Variants in TMEM273 observed in about 807,000 individuals in gnomAD.
The protein encoded by TMEM273 is chromosome 10 open reading frame 128.
In TMEM273, 19 loss-of-function variants were observed where a neutral mutation model predicts 17.9. The observed-to-expected ratio is 1.06, with a 90% CI of 0.74 to 1.55. The LOEUF (loss-of-function observed/expected upper bound fraction) is 1.55, where lower values mean the gene tolerates loss of function less well. TMEM273 is among the 40% of genes most tolerant of loss of function. TMEM273 has a pLI of 0.00. For synonymous variants in TMEM273, 66 were observed against 62.0 expected, an observed-to-expected ratio of 1.07 and a Z score of -0.31; for missense variants, 194 against 155.6, an observed-to-expected ratio of 1.25 and a Z score of -1.31.
intron 1 of TMEM273, among the ~76,000 whole-genome samples, chr10:49,171,903 C>A (rs1308519320): frequency 6.6e-6 from 1 of 152,204 alleles, no homozygotes. Flanking sequence ...TTGGGTCCAC[C>A]CTTGATGGGG....
chr10:49,183,490 T>A (rs1847479462), intron 1 of TMEM273, among the ~76,000 whole-genome samples: 1 of 152,210 alleles, frequency 6.6e-6, no homozygotes, highest in Admixed American at 6.5e-5. Context: ...TATACTTTTC[T>A]TGAAAGTTTG....
intron 6 of TMEM273, among the ~76,000 whole-genome samples, chr10:49,158,338 T>G (rs1229947014): frequency 6.6e-6 from 1 of 152,180 alleles, no homozygotes; most frequent in African/African-American, 2.4e-5. Context: ...TTATTTTCTT[T>G]GCTTTGGTCT....
In TMEM273 at chr10:49,161,588, T is replaced by C. The variant is rs748160580; in HGVS notation, c.372+11A>G. The C allele has an allele frequency of 1.6e-5, 26 of 1,614,112 alleles. No individual in the cohort carries two copies. Among genetic ancestry groups the C allele is most frequent in the Middle Eastern group, 1.6e-4 (1 of 6,084 alleles). On this transcript the variant is annotated intron_variant, in intron 6 of 6. Transcript: ENST00000374153. The stretch of plus-strand genomic sequence containing the variant: ...CTCCTTTTAAGACAAGTGATCACTC[T>C]TACAACTCACCTTTTGGAGAAATTG...
At chr10:49,161,453 C>T in intron 6 of TMEM273, 146 bp downstream of exon 6, 1 of 945,828 alleles carries the variant, frequency 1.1e-6, no homozygotes. Context: ...TCACAGCTGT[C>T]CTGGCATGAG....
In TMEM273 at chr10:49,155,851, C is replaced by G. The variant is rs141518641; in HGVS notation, c.*41G>C. 2.5e-6 allele frequency: 4 copies of G among 1,613,878 alleles called. No individual in the cohort carries two copies. The African/African-American group carries it at 4.0e-5, about 16-fold the overall frequency. On this transcript the variant is annotated 3_prime_UTR_variant, in exon 7 of 7. Transcript: ENST00000374153. Reference sequence around the variant, plus strand: ...GATGTTAACCATGGGCTGTTTTCCACGGGGCTAGAACCCCTCTTCACGTCA... The same window carrying G: ...GATGTTAACCATGGGCTGTTTTCCAGGGGGCTAGAACCCCTCTTCACGTCA...
rs566368083 is a variant in TMEM273 at position 49,165,917 on chromosome 10, G to A, written c.239-121C>T. 1.6e-5 allele frequency: 20 copies of A among 1,262,500 alleles called. No individual in the cohort carries two copies. In the East Asian group the frequency reaches 1.7e-4, roughly 10 times the overall value. The allele number at this position is 1,262,500 out of a possible 1,614,324, so 78.2% of individuals were successfully genotyped here. A position where few individuals can be genotyped will look rare whatever the true frequency, so the allele number is the denominator to read the frequency against. ...ACTCACGGTTGCCCTCGAGAGACCC[G>A]GGGCCTGGCTGCTATGTGATGAAGA... On this transcript the variant is annotated intron_variant, in intron 3 of 6. Transcript: ENST00000374153.
intron 1 of TMEM273, among the ~76,000 whole-genome samples, chr10:49,171,524 T>G (rs535441894): frequency 9.8e-4 from 150 of 152,350 alleles, no homozygotes; most frequent in African/African-American, 3.6e-3. Flanking sequence ...AGTTTCTGCT[T>G]TCTCCCTGAT....
At position 49,188,358 on chromosome 10, in the gene TMEM273, C is replaced by T. The variant is rs529395359; in HGVS notation, c.-22G>A. On this transcript the variant is annotated 5_prime_UTR_variant, in exon 1 of 7. Transcript: ENST00000374153. ...TCATGCTGGCGCTCTGCTCTTGGCTCCTGGCTCCTGGCTGCTGGCAGCGCA... is the reference window on the plus strand; with the variant it reads ...TCATGCTGGCGCTCTGCTCTTGGCTTCTGGCTCCTGGCTGCTGGCAGCGCA... 20 of 1,614,066 alleles carry T rather than the reference C, an allele frequency of 1.2e-5. No individual in the cohort carries two copies. The East Asian group carries it at 4.2e-4, about 34-fold the overall frequency.
intron 6 of TMEM273, among the ~76,000 whole-genome samples, chr10:49,157,673 A>G (rs1029898244): frequency 6.6e-5 from 10 of 152,246 alleles, no homozygotes; most frequent in African/African-American, 2.4e-4. Context: ...TAAAATAGGA[A>G]CTGATGAATG....
rs1015807804 is a variant in TMEM273, at chr10:49,157,357, G to C, written c.373-1448C>G. ...AGTCTAGGGCAGCATCTGCTGGCTGGACTAGTAGGTGAATTAGGCTGCATG... is the reference window on the plus strand; with the variant it reads ...AGTCTAGGGCAGCATCTGCTGGCTGCACTAGTAGGTGAATTAGGCTGCATG... On this transcript the variant is annotated intron_variant, in intron 6 of 6. Transcript: ENST00000374153. Among the ~76,000 whole-genome samples, 33 of 152,230 alleles carry C rather than the reference G, an allele frequency of 2.2e-4. 2 individuals are homozygous for C.
chr10:49,165,704 G>A lies in TMEM273; in HGVS notation c.269+62C>T, dbSNP rs1846132776. On this transcript the variant is annotated intron_variant, in intron 4 of 6. Coordinates refer to ENST00000374153, the MANE Select transcript of TMEM273 (RefSeq NM_001288740.3). ...GGCTGGGGATGACAGGCAAGGGAGT[G>A]GCACGGTCAAGACAGGAGAGAACAC... The A allele has an allele frequency of 2.5e-6, 4 of 1,602,332 alleles. No homozygotes were observed. The African/African-American group carries it at 4.0e-5, about 16-fold the overall frequency.
In TMEM273 at chr10:49,173,454, G is replaced by A. The variant is rs370344038; in HGVS notation, c.44-5492C>T. 7.9e-5 allele frequency among the ~76,000 whole-genome samples: 12 copies of A among 152,306 alleles called. No homozygotes were observed. The East Asian group carries it at 1.5e-3, about 20-fold the overall frequency. On this transcript the variant is annotated intron_variant, in intron 1 of 6. Transcript: ENST00000374153. ...GCAACACACACGGCTCCTGGCCTCT[G>A]CACAGGCTGCTGCTCTCTTTGCCGC...
intron 1 of TMEM273, among the ~76,000 whole-genome samples, chr10:49,171,356 G>A (rs561808850): frequency 6.6e-6 from 1 of 152,244 alleles, no homozygotes; most frequent in South Asian, 2.1e-4. Context: ...CTAGAGCAGA[G>A]AGCAGAGGGC....
rs1845484482 is a variant in TMEM273, at chr10:49,156,010, A to G, written c.373-101T>C. On this transcript the variant is annotated intron_variant, in intron 6 of 6. Coordinates refer to ENST00000374153, the MANE Select transcript of TMEM273 (RefSeq NM_001288740.3). ...ATTCACACAATTAAACAGGTATAAA[A>G]GCTCATCAGCAAAGCCTGCAAGGTG... The G allele has an allele frequency of 1.9e-6, 3 of 1,603,442 alleles. No individual in the cohort carries two copies. In the East Asian group the frequency reaches 6.7e-5, roughly 36 times the overall value.
chr10:49,161,335 T>C (rs1328060439), intron 6 of TMEM273: 5 of 549,890 alleles, frequency 9.1e-6, no homozygotes, highest in Non-Finnish European at 1.6e-5. Flanking sequence ...AAAGTTTACC[T>C]ATCCTGTTAA....
chr10:49,157,398 A>C (rs1054119279), intron 6 of TMEM273, among the ~76,000 whole-genome samples: 1 of 152,242 alleles, frequency 6.6e-6, no homozygotes, highest in African/African-American at 2.4e-5. Flanking sequence ...CCGGGCTGGC[A>C]TCATGAGAAA....
chr10:49,156,048 G>A, intron 6 of TMEM273, 139 bp from the exon 7 acceptor site: 1 of 1,560,358 alleles, frequency 6.4e-7, no homozygotes, highest in Non-Finnish European at 8.7e-7. Flanking sequence ...CCACTTCCTT[G>A]TGCAACATAG....
chr10:49,159,421 T>C (rs938289850), intron 6 of TMEM273, among the ~76,000 whole-genome samples: 3 of 152,164 alleles, frequency 2.0e-5, no homozygotes, highest in African/African-American at 7.2e-5. Flanking sequence ...TGCTCTAATT[T>C]CTGGAGGCAT....
At chr10:49,185,461 T>G (rs1847605220) in intron 1 of TMEM273, among the ~76,000 whole-genome samples, 1 of 151,988 alleles carries the variant, frequency 6.6e-6, no homozygotes, top group African/African-American at 2.4e-5. Flanking sequence ...TCACCCACCC[T>G]CACAGACCCC....
Sources: gnomAD v4.1 joint callset for allele counts (sites outside exome capture counted in the v4.1 genomes callset) on GRCh38, gnomAD v4.1.1 for gene constraint, MANE v1.5 for transcripts, NCBI Gene and HGNC (gene_info 2026-07-23, HGNC 2026-07-21) for gene names.